Variants in YIPF7 observed in about 807,000 individuals in gnomAD.
YIPF7 encodes the protein protein YIPF7.
YIPF7 carries 35 observed loss-of-function variants against 27.2 expected under a neutral mutation model. The observed-to-expected ratio is 1.29, with a 90% confidence interval of 0.98 to 1.70. The LOEUF is 1.70. YIPF7 is among the 40% of genes most tolerant of loss of function. The pLI is 0.00. For synonymous variants in YIPF7, 137 were observed against 110.4 expected, an observed-to-expected ratio of 1.24 and a Z score of -1.51; for missense variants, 358 against 303.7, an observed-to-expected ratio of 1.18 and a Z score of -1.33.
chr4:44,628,571 T>G (rs1020440146), intron 4 of YIPF7, among the ~76,000 whole-genome samples: 1 of 152,172 alleles, frequency 6.6e-6, no homozygotes, highest in African/African-American at 2.4e-5. Flanking sequence ...CTTTTCAGAC[T>G]GACTTAACCA....
At chr4:44,624,319 C>T (rs572813374) in intron 5 of YIPF7, among the ~76,000 whole-genome samples, 3 of 152,186 alleles carry the variant, frequency 2.0e-5, no homozygotes, top group African/African-American at 7.2e-5. Flanking sequence ...CCACCTCGGC[C>T]TCCCAAAGTG....
intron 2 of YIPF7, 96 bp from the exon 3 acceptor site, chr4:44,636,181 T>C (rs1383837915): frequency 7.9e-7 from 1 of 1,260,364 alleles, no homozygotes; most frequent in Admixed American, 2.8e-5. Flanking sequence ...ATTCATGTAG[T>C]TTTTATGAGT....
chr4:44,660,260 C>T (rs1714013802), intron 2 of YIPF7, among the ~76,000 whole-genome samples: 2 of 151,824 alleles, frequency 1.3e-5, no homozygotes, highest in African/African-American at 4.8e-5. Flanking sequence ...TTCTTTGATA[C>T]TCCTTTTTAA....
intron 1 of YIPF7, among the ~76,000 whole-genome samples, chr4:44,650,421 G>A (rs913737760): frequency 6.6e-6 from 1 of 151,596 alleles, no homozygotes; most frequent in African/African-American, 2.4e-5. Context: ...AAGAGAAAAA[G>A]CTTAAAACTT....
chr4:44,651,708 T>TA (rs1228383060), upstream of YIPF7: 4 of 1,045,684 alleles, frequency 3.8e-6, no homozygotes, highest in East Asian at 5.6e-5. Context: ...CAGTCAAAAA[T>TA]AAAAAAGCCT....
At chr4:44,656,745 G>T (rs1713911523) in intron 2 of YIPF7, among the ~76,000 whole-genome samples, 1 of 151,726 alleles carries the variant, frequency 6.6e-6, no homozygotes, top group Admixed American at 6.6e-5. Context: ...ATCAAAAGAA[G>T]ATAGGAGGCT....
upstream of YIPF7, among the ~76,000 whole-genome samples, chr4:44,655,369 T>C (rs1044486424): frequency 6.6e-6 from 1 of 151,996 alleles, no homozygotes; most frequent in Non-Finnish European, 1.5e-5. Context: ...TGAAAGAACC[T>C]AGTCTGAAGC....
At chr4:44,659,292 G>T (rs1713981278) in intron 2 of YIPF7, among the ~76,000 whole-genome samples, 1 of 151,552 alleles carries the variant, frequency 6.6e-6, no homozygotes, top group African/African-American at 2.4e-5. Flanking sequence ...TCAGGGAAAA[G>T]ATGAAATGTA....
At chr4:44,655,385 T>C (rs1298810647), upstream of YIPF7, among the ~76,000 whole-genome samples, 2 of 152,000 alleles carry the variant, frequency 1.3e-5, no homozygotes, top group Non-Finnish European at 2.9e-5. Context: ...GAAGCATCAA[T>C]TCTCTCACTC....
chr4:44,634,252 G>A (rs1317796211), intron 3 of YIPF7, among the ~76,000 whole-genome samples: 1 of 152,164 alleles, frequency 6.6e-6, no homozygotes, highest in Non-Finnish European at 1.5e-5. Flanking sequence ...CTCGTGACAG[G>A]CTGGGCACAG....
intron 3 of YIPF7, among the ~76,000 whole-genome samples, chr4:44,630,898 C>T (rs1712867369): frequency 6.6e-6 from 1 of 152,106 alleles, no homozygotes; most frequent in Admixed American, 6.5e-5. Context: ...TATGACTTGA[C>T]TATTTAGGGA....
chr4:44,635,804 A>G (rs1713093646), intron 3 of YIPF7, 118 bp downstream of exon 3: 1 of 1,195,966 alleles, frequency 8.4e-7, no homozygotes, highest in African/African-American at 1.5e-5. Flanking sequence ...CTCTTGTTAT[A>G]TGTGAAACAA....
chr4:44,648,081 C>A (rs964568676), intron 2 of YIPF7, among the ~76,000 whole-genome samples: 4 of 151,946 alleles, frequency 2.6e-5, no homozygotes, highest in Non-Finnish European at 5.9e-5. Flanking sequence ...ATCAAACAAC[C>A]TTGAGCTAAA....
intron 1 of YIPF7, among the ~76,000 whole-genome samples, chr4:44,650,493 ATGCGCGCGCGCG>A (rs1713691695): frequency 1.1e-5 from 1 of 90,846 alleles, no homozygotes. Flanking sequence ...GCGCACACAC[ATGCGCGCGCGCG>A]CGCACACACA....
intron 2 of YIPF7, among the ~76,000 whole-genome samples, chr4:44,644,109 C>T (rs535320148): frequency 2.0e-5 from 3 of 152,168 alleles, no homozygotes; most frequent in Non-Finnish European, 4.4e-5. Context: ...AGACATTCAT[C>T]ACCAGAACAT....
chr4:44,635,943 C>T lies in YIPF7; in HGVS notation c.259G>A (p.Glu87Lys). Residue 87 changes from glutamate (E) to lysine (K), a missense_variant, in exon 3 of 6, where the codon GAA becomes AAA. Physicochemically the swap from Glu to Lys is moderately conservative, Grantham distance 56. Transcript: ENST00000415895. Reference sequence around the variant, plus strand: ...TTATCTTCTAGCAAAGGAGGCTCTTCATCAAAACTGTCAATGTAAGGAGAT... The same window carrying T: ...TTATCTTCTAGCAAAGGAGGCTCTTTATCAAAACTGTCAATGTAAGGAGAT... ...SQSPYIDSFDEEPPLLEELGI... is the reference protein window; with the variant it reads ...SQSPYIDSFDKEPPLLEELGI... The T allele has an allele frequency of 6.2e-7, 1 of 1,613,780 alleles. No homozygotes were observed.
At chr4:44,647,983 T>C (rs567129702) in intron 2 of YIPF7, among the ~76,000 whole-genome samples, 1 of 152,268 alleles carries the variant, frequency 6.6e-6, no homozygotes, top group East Asian at 1.9e-4. Flanking sequence ...ATTCTTATTA[T>C]CCCAACATTA....
At chr4:44,642,425 C>A (rs1016780283) in intron 2 of YIPF7, among the ~76,000 whole-genome samples, 4 of 150,010 alleles carry the variant, frequency 2.7e-5, no homozygotes, top group Non-Finnish European at 5.9e-5. Context: ...TTATAGCTTT[C>A]TTTATCTTAT....
At chr4:44,626,023 A>G (rs1712621076) in intron 4 of YIPF7, among the ~76,000 whole-genome samples, 2 of 152,166 alleles carry the variant, frequency 1.3e-5, no homozygotes, top group Admixed American at 1.3e-4. Flanking sequence ...TATTTTAGAG[A>G]TATTTATTTT....
Sources: allele counts gnomAD v4.1 joint callset (sites outside exome capture counted in the v4.1 genomes callset), GRCh38; gene constraint gnomAD v4.1.1; transcripts MANE v1.5; gene names NCBI Gene and HGNC (gene_info 2026-07-23, HGNC 2026-07-21).